The following TENM3 variants were observed in gnomAD, a reference collection of about 807,000 sequenced individuals.
The protein encoded by TENM3 is teneurin transmembrane protein 3, also known as teneurin-3.
Under a neutral mutation model 255.1 loss-of-function variants are expected in TENM3, and 63 were observed. That is an observed-to-expected ratio of 0.25 (90% CI 0.20 to 0.30). The LOEUF (loss-of-function observed/expected upper bound fraction) is 0.30, where lower values mean the gene tolerates loss of function less well. TENM3 is among the 10% of genes least tolerant of loss of function. The pLI is 1.00. For synonymous variants in TENM3, 1,306 were observed against 1,322.3 expected, an observed-to-expected ratio of 0.99 and a Z score of 0.27; for missense variants, 2,929 against 3,461.1, an observed-to-expected ratio of 0.85 and a Z score of 3.86.
the TENM3 span, among the ~76,000 whole-genome samples, chr4:182,001,002 C>CTTTT: frequency 3.1e-5 from 4 of 130,494 alleles, no homozygotes; most frequent in Admixed American, 7.9e-5. Flanking sequence ...GTTTTCTTTC[C>CTTTT]TTTTTTTTTT....
intron 22 of TENM3, among the ~76,000 whole-genome samples, chr4:182,771,110 G>A (rs1764170825): frequency 1.3e-5 from 2 of 152,182 alleles, no homozygotes; most frequent in South Asian, 2.1e-4. Context: ...ATCTCCCTGT[G>A]CCGAGGATCC....
chr4:182,249,092 G>A (rs940096748), intron 1 of TENM3, among the ~76,000 whole-genome samples: 1 of 152,164 alleles, frequency 6.6e-6, no homozygotes, highest in African/African-American at 2.4e-5. Flanking sequence ...AAGAAATTAA[G>A]ACACAGACAG....
the TENM3 span, among the ~76,000 whole-genome samples, chr4:182,047,540 G>A: frequency 1.9e-5 from 2 of 107,630 alleles, no homozygotes; most frequent in Non-Finnish European, 3.4e-5. Context: ...CCAGCCTGGT[G>A]ACAGAACGAG....
chr4:182,551,213 T>TC (rs1446577921), intron 3 of TENM3, among the ~76,000 whole-genome samples: 1 of 116,900 alleles, frequency 8.6e-6, no homozygotes, highest in Non-Finnish European at 1.8e-5. Context: ...AGAGTGAGAC[T>TC]CCATCTAAAA....
the TENM3 span, among the ~76,000 whole-genome samples, chr4:182,002,059 T>C: frequency 2.6e-5 from 4 of 152,124 alleles, no homozygotes; most frequent in Non-Finnish European, 5.9e-5. Context: ...GTTGCCTTGG[T>C]TTTCGACTTA....
At chr4:182,295,421 C>T (rs1761421615) in intron 1 of TENM3, among the ~76,000 whole-genome samples, 1 of 151,780 alleles carries the variant, frequency 6.6e-6, no homozygotes, top group Admixed American at 6.6e-5. Context: ...GCAGCTGCCA[C>T]CACGCCCAGC....
At chr4:181,612,028 T>C in the TENM3 span, among the ~76,000 whole-genome samples, 1 of 152,360 alleles carries the variant, frequency 6.6e-6, no homozygotes, top group East Asian at 1.9e-4. Context: ...AAGTGTGGCC[T>C]TTATGCCTCA....
intron 1 of TENM3, among the ~76,000 whole-genome samples, chr4:182,263,123 C>T (rs369354080): frequency 2.7e-4 from 41 of 152,104 alleles, no homozygotes; most frequent in African/African-American, 8.4e-4. Context: ...TAATGTCTGG[C>T]GACCGCGAAG....
intron 4 of TENM3, among the ~76,000 whole-genome samples, chr4:182,604,441 T>G (rs1358952449): frequency 6.6e-6 from 1 of 152,262 alleles, no homozygotes; most frequent in African/African-American, 2.4e-5. Flanking sequence ...TATTCACTTT[T>G]AGGGCATTGG....
At chr4:182,313,749 T>C (rs958425209) in intron 1 of TENM3, among the ~76,000 whole-genome samples, 1 of 152,270 alleles carries the variant, frequency 6.6e-6, no homozygotes, top group African/African-American at 2.4e-5. Flanking sequence ...TCAGGAGAGT[T>C]TCCTCTTCAC....
chr4:182,606,868 C>T (rs965881472), intron 4 of TENM3, among the ~76,000 whole-genome samples: 1 of 152,076 alleles, frequency 6.6e-6, no homozygotes, highest in Non-Finnish European at 1.5e-5. Flanking sequence ...AGGTCATTCT[C>T]AGGAGTCAGT....
the TENM3 span, among the ~76,000 whole-genome samples, chr4:181,786,152 A>G: frequency 6.6e-6 from 1 of 152,192 alleles, no homozygotes; most frequent in Non-Finnish European, 1.5e-5. Context: ...ACAATCTGAT[A>G]GTAATTATTA....
At chr4:182,200,934 C>T (rs978076658) in intron 1 of TENM3, among the ~76,000 whole-genome samples, 2 of 150,686 alleles carry the variant, frequency 1.3e-5, no homozygotes, top group Admixed American at 1.3e-4. Flanking sequence ...CAGTGATTCT[C>T]CTGTCTCAGC....
the TENM3 span, among the ~76,000 whole-genome samples, chr4:181,479,418 A>AC: frequency 2.0e-5 from 3 of 152,120 alleles, no homozygotes; most frequent in East Asian, 3.9e-4. Context: ...TTGGAGAGAA[A>AC]CCCTGTGGTC....
At chr4:181,484,482 GT>G in the TENM3 span, among the ~76,000 whole-genome samples, 2 of 151,972 alleles carry the variant, frequency 1.3e-5, no homozygotes, top group Non-Finnish European at 2.9e-5. Context: ...TGTAATTCTA[GT>G]AATTTACAAT....
the TENM3 span, among the ~76,000 whole-genome samples, chr4:181,610,214 T>C: frequency 2.0e-5 from 3 of 152,202 alleles, no homozygotes; most frequent in Non-Finnish European, 4.4e-5. Flanking sequence ...CTACACACCC[T>C]GTATGTTTGC....
chr4:181,475,787 G>C, the TENM3 span, among the ~76,000 whole-genome samples: 2 of 152,218 alleles, frequency 1.3e-5, no homozygotes, highest in African/African-American at 4.8e-5. Flanking sequence ...AGTAAGTGCT[G>C]CTCATAATTG....
At chr4:182,107,151 TACACACACACACAC>T in the TENM3 span, among the ~76,000 whole-genome samples, 5 of 145,964 alleles carry the variant, frequency 3.4e-5, no homozygotes, top group African/African-American at 1.3e-4. Context: ...AAACAGAACA[TACACACACACACAC>T]ACACACACAC....
intron 4 of TENM3, among the ~76,000 whole-genome samples, chr4:182,616,829 T>G (rs1479677897): frequency 6.6e-6 from 1 of 152,182 alleles, no homozygotes; most frequent in Non-Finnish European, 1.5e-5. Context: ...TGCCAGAAGG[T>G]AAGGAAAATA....
Sources: gnomAD v4.1 joint callset for allele counts (sites outside exome capture counted in the v4.1 genomes callset) on GRCh38, gnomAD v4.1.1 for gene constraint, MANE v1.5 for transcripts, NCBI Gene and HGNC (gene_info 2026-07-23, HGNC 2026-07-21) for gene names.